PDSS2: variants seen among roughly 807,000 people sequenced by gnomAD.
PDSS2 encodes the protein decaprenyl diphosphate synthase subunit 2.
A neutral mutation model predicts 44.5 loss-of-function variants in PDSS2; 31 were observed. That is an observed-to-expected ratio of 0.70 (90% CI 0.52 to 0.94). The LOEUF is 0.94. Among genes scored for constraint, PDSS2 ranks in the 40% least tolerant of loss-of-function variants. The pLI is 0.00. For missense variants in PDSS2, 452 were observed against 482.2 expected (o/e 0.94, Z 0.59); for synonymous variants, 157 against 180.3 (o/e 0.87, Z 1.03).
chr6:107,188,370 C>T (rs535560759), intron 7 of PDSS2, among the ~76,000 whole-genome samples: 1 of 149,574 alleles, frequency 6.7e-6, no homozygotes, highest in African/African-American at 2.4e-5. Flanking sequence ...CAGAGTGAGA[C>T]CCTGTCTCAA....
chr6:107,242,307 A>G (rs1222797125), intron 4 of PDSS2, among the ~76,000 whole-genome samples: 1 of 152,154 alleles, frequency 6.6e-6, no homozygotes, highest in Non-Finnish European at 1.5e-5. Context: ...TCTGTCGCCC[A>G]GGCTGGAGTG....
chr6:107,253,865 T>G (rs928950112), intron 3 of PDSS2, among the ~76,000 whole-genome samples: 1 of 152,006 alleles, frequency 6.6e-6, no homozygotes, highest in African/African-American at 2.4e-5. Context: ...TTAAAGCGCT[T>G]AAGATGAAAA....
intron 1 of PDSS2, among the ~76,000 whole-genome samples, chr6:107,364,941 TG>T (rs1562490246): frequency 6.6e-6 from 1 of 152,176 alleles, no homozygotes. Context: ...CTTAAAGTCC[TG>T]GGGGAGGCGG....
intron 2 of PDSS2, among the ~76,000 whole-genome samples, chr6:107,328,218 T>C (rs2500579): frequency 0.97 from 148,335 of 152,302 alleles, 72,355 homozygotes; most frequent in East Asian, 1. Context: ...GGGTTCTCGA[T>C]GTATTAACTT....
intron 2 of PDSS2, among the ~76,000 whole-genome samples, chr6:107,279,479 G>A (rs1207508999): frequency 6.6e-6 from 1 of 152,180 alleles, no homozygotes; most frequent in East Asian, 1.9e-4. Context: ...GAAATCAATA[G>A]TTTTAGCCTA....
At chr6:107,186,977 A>G (rs1019228622) in intron 7 of PDSS2, among the ~76,000 whole-genome samples, 1 of 152,212 alleles carries the variant, frequency 6.6e-6, no homozygotes, top group Admixed American at 6.5e-5. Context: ...CTACCAGGGG[A>G]ACCCTAAGCC....
chr6:107,259,009 A>G (rs376215593), intron 3 of PDSS2, among the ~76,000 whole-genome samples: 3 of 152,282 alleles, frequency 2.0e-5, no homozygotes, highest in South Asian at 2.1e-4. Context: ...GATTGCCTGG[A>G]TTTAGACAGC....
At chr6:107,392,644 A>C (rs576933876) in intron 1 of PDSS2, among the ~76,000 whole-genome samples, 1 of 152,332 alleles carries the variant, frequency 6.6e-6, no homozygotes, top group Non-Finnish European at 1.5e-5. Flanking sequence ...GAAAGAGCAA[A>C]CATTACTGTC....
chr6:107,162,008 C>G (rs1052085793), intron 7 of PDSS2, among the ~76,000 whole-genome samples: 22 of 152,124 alleles, frequency 1.4e-4, no homozygotes, highest in African/African-American at 5.3e-4. Context: ...TGGCTGATTT[C>G]AAACTGCCAA....
chr6:107,203,720 C>G (rs1772870099), intron 6 of PDSS2, among the ~76,000 whole-genome samples: 1 of 152,048 alleles, frequency 6.6e-6, no homozygotes, highest in South Asian at 2.1e-4. Context: ...GCATTTAGTA[C>G]ATTCACAATG....
chr6:107,270,883 T>A (rs971838922), intron 3 of PDSS2, among the ~76,000 whole-genome samples: 1 of 152,230 alleles, frequency 6.6e-6, no homozygotes. Context: ...AATGATTTAC[T>A]TACTTGAAAT....
chr6:107,193,868 G>C lies in PDSS2; in HGVS notation c.1009-14C>G, dbSNP rs188095740. 248 of 1,559,972 alleles carry C rather than the reference G, an allele frequency of 1.6e-4. 1 individual carries two copies. The African/African-American group carries it at 2.4e-3, about 15-fold the overall frequency. On this transcript the variant is annotated splice_polypyrimidine_tract_variant and intron_variant, in intron 6 of 7. Coordinates refer to ENST00000369037, the MANE Select transcript of PDSS2 (RefSeq NM_020381.4). ...TTTTTCTTGAGCCTACAAAAGAAGA[G>C]GGGAAAATTAATTTGTTACTTCTCT...
intron 1 of PDSS2, among the ~76,000 whole-genome samples, chr6:107,416,665 A>G (rs548505276): frequency 1.3e-5 from 2 of 152,312 alleles, no homozygotes; most frequent in South Asian, 4.1e-4. Flanking sequence ...ACTGTTTCCA[A>G]TTTTGATAAA....
chr6:107,314,818 T>G (rs1777152868), intron 2 of PDSS2, among the ~76,000 whole-genome samples: 1 of 152,220 alleles, frequency 6.6e-6, no homozygotes, highest in African/African-American at 2.4e-5. Flanking sequence ...AACCATTATC[T>G]AACACAGCAT....
chr6:107,281,367 TTTGTTAGAGTCTTGTTGTAAGTC>T (rs1385523367), intron 2 of PDSS2, among the ~76,000 whole-genome samples: 1 of 152,192 alleles, frequency 6.6e-6, no homozygotes, highest in Admixed American at 6.5e-5. Context: ...CAAGTCACTG[TTTGTTAGAGTCTTGTTGTAAGTC>T]TTGTTAGAGT....
At chr6:107,176,033 T>TTTTATTTA (rs200788409) in intron 7 of PDSS2, among the ~76,000 whole-genome samples, 37 of 151,876 alleles carry the variant, frequency 2.4e-4, no homozygotes, top group African/African-American at 6.3e-4. Context: ...TTTTCACTGC[T>TTTTATTTA]TTTATTTATT....
intron 4 of PDSS2, among the ~76,000 whole-genome samples, chr6:107,237,567 C>T (rs931809882): frequency 6.6e-6 from 1 of 151,506 alleles, no homozygotes; most frequent in African/African-American, 2.4e-5. Flanking sequence ...TTATACTTTA[C>T]TTGAAAGCTG....
At chr6:107,215,053 C>T (rs898463937) in intron 4 of PDSS2, among the ~76,000 whole-genome samples, 1 of 152,154 alleles carries the variant, frequency 6.6e-6, no homozygotes, top group Non-Finnish European at 1.5e-5. Context: ...TTAAGACCTT[C>T]TTTACAAAAC....
intron 4 of PDSS2, among the ~76,000 whole-genome samples, chr6:107,227,065 C>T (rs563032991): frequency 5.3e-5 from 8 of 151,812 alleles, no homozygotes; most frequent in East Asian, 3.9e-4. Flanking sequence ...TTGCAATCTC[C>T]GCCTCCTGGG....
Sources: allele counts gnomAD v4.1 joint callset (sites outside exome capture counted in the v4.1 genomes callset), GRCh38; gene constraint gnomAD v4.1.1; transcripts MANE v1.5; gene names NCBI Gene and HGNC (gene_info 2026-07-23, HGNC 2026-07-21).